TNFRSF11A: variants seen among roughly 807,000 people sequenced by gnomAD.
The protein encoded by TNFRSF11A is TNF receptor superfamily member 11a.
Under a neutral mutation model 55.7 loss-of-function variants are expected in TNFRSF11A, and 32 were observed. The ratio of observed to expected loss-of-function variants is 0.57; its 90% CI spans 0.43 to 0.77. The LOEUF is 0.77. Among genes scored for constraint, TNFRSF11A ranks in the 30% least tolerant of loss-of-function variants. The pLI is 0.00. For synonymous variants in TNFRSF11A, 311 were observed against 331.0 expected, an observed-to-expected ratio of 0.94 and a Z score of 0.65; for missense variants, 753 against 809.8, an observed-to-expected ratio of 0.93 and a Z score of 0.85.
chr18:62,369,189 AGAG>A lies in TNFRSF11A; in HGVS notation c.1274_1276del (p.Glu425del). On this transcript the variant is annotated inframe_deletion, in exon 9 of 10. Coordinates refer to ENST00000586569, the MANE Select transcript of TNFRSF11A (RefSeq NM_003839.4). Reference sequence around the variant, plus strand: ...TGTCCTCTGAAAACTACTTGCAAAAAGAGGTGGACAGTGGCCATTGCCCGCACT... The same window carrying A: ...TGTCCTCTGAAAACTACTTGCAAAAAGTGGACAGTGGCCATTGCCCGCACT... The A allele has an allele frequency of 6.2e-7, 1 of 1,613,978 alleles. No homozygotes were observed. The highest frequency in any genetic ancestry group is 8.5e-7 in the Non-Finnish European group (1 of 1,180,056).
At position 62,384,918 on chromosome 18, in the gene TNFRSF11A, G is replaced by T. The variant is rs891909235; in HGVS notation, c.1735G>T (p.Asp579Tyr). ...PVQEETLARR[D>Y]SFAGNGPRFP... ...GCAGGAGGAGACCCTGGCGCGCCGA[G>T]ACTCCTTCGCGGGGAACGGCCCGCG... Residue 579 changes from aspartate to tyrosine, a missense_variant, in exon 10 of 10, where the codon GAC (aspartate) becomes TAC (tyrosine). By Grantham distance (160) the Asp-to-Tyr change is radical. Around this residue, in one of 3 missense-constraint regions of TNFRSF11A, gnomAD observed 567 missense variants for 596.7 expected, o/e 0.95. Coordinates refer to ENST00000586569, the MANE Select transcript of TNFRSF11A (RefSeq NM_003839.4). 34 of 1,560,864 alleles carry T rather than the reference G, an allele frequency of 2.2e-5. No individual in the cohort carries two copies. Among genetic ancestry groups the T allele is most frequent in the African/African-American group, 4.1e-5 (3 of 73,916 alleles).
chr18:62,376,954 A>G (rs998612007), intron 9 of TNFRSF11A, among the ~76,000 whole-genome samples: 2 of 151,976 alleles, frequency 1.3e-5, no homozygotes, highest in Non-Finnish European at 2.9e-5. Flanking sequence ...TCATTCTGTC[A>G]CCCAGGCTGG....
At chr18:62,379,196 G>A (rs1304279470) in intron 9 of TNFRSF11A, among the ~76,000 whole-genome samples, 2 of 152,178 alleles carry the variant, frequency 1.3e-5, no homozygotes, top group Non-Finnish European at 2.9e-5. Context: ...TATGGAGAGT[G>A]TTGCTTCTGT....
intron 1 of TNFRSF11A, among the ~76,000 whole-genome samples, chr18:62,337,383 A>G (rs1170935438): frequency 6.6e-6 from 1 of 152,212 alleles, no homozygotes. Context: ...GGTAATGGCA[A>G]TGTCCAATAT....
intron 8 of TNFRSF11A, among the ~76,000 whole-genome samples, chr18:62,368,225 C>T (rs1910243994): frequency 6.6e-6 from 1 of 152,172 alleles, no homozygotes; most frequent in Admixed American, 6.5e-5. Flanking sequence ...TTTCTTTCCC[C>T]AGCTGTATGA....
chr18:62,375,958 C>T (rs569826459), intron 9 of TNFRSF11A, among the ~76,000 whole-genome samples: 6 of 152,324 alleles, frequency 3.9e-5, no homozygotes, highest in Admixed American at 6.5e-5. Flanking sequence ...CTTAAACCAC[C>T]GCACTGTCTC....
At chr18:62,382,335 T>C (rs780604349) in intron 9 of TNFRSF11A, among the ~76,000 whole-genome samples, 1 of 152,100 alleles carries the variant, frequency 6.6e-6, no homozygotes, top group Admixed American at 6.6e-5. Flanking sequence ...GGTCTTGAAC[T>C]CCTGACCCCA....
intron 3 of TNFRSF11A, 56 bp downstream of exon 3, chr18:62,349,993 T>C: frequency 1.2e-6 from 2 of 1,607,574 alleles, no homozygotes; most frequent in Non-Finnish European, 1.7e-6. Context: ...AGACCTCTTT[T>C]TCTATAGAAA....
intron 1 of TNFRSF11A, among the ~76,000 whole-genome samples, chr18:62,346,317 A>G (rs1313226627): frequency 6.6e-6 from 1 of 152,210 alleles, no homozygotes; most frequent in Non-Finnish European, 1.5e-5. Context: ...GCATGGCCGC[A>G]TGTAGTTTTA....
chr18:62,366,571 C>A, intron 7 of TNFRSF11A, 137 bp from the exon 8 acceptor site: 2 of 947,592 alleles, frequency 2.1e-6, no homozygotes, highest in Non-Finnish European at 3.4e-6. Context: ...ATTTGCTTCA[C>A]TATAGTAACC....
intron 4 of TNFRSF11A, among the ~76,000 whole-genome samples, chr18:62,357,222 A>G (rs1237328621): frequency 6.6e-6 from 1 of 152,220 alleles, no homozygotes; most frequent in Non-Finnish European, 1.5e-5. Context: ...CAGAAGTGCT[A>G]CTAATTTCAG....
intron 4 of TNFRSF11A, among the ~76,000 whole-genome samples, chr18:62,357,147 T>C (rs1909317179): frequency 6.6e-6 from 1 of 152,254 alleles, no homozygotes; most frequent in East Asian, 1.9e-4. Flanking sequence ...GTATACTTCA[T>C]ACTTGACTCT....
chr18:62,325,472 CT>C lies in TNFRSF11A; in HGVS notation c.75+46del. 1 of 1,200,442 alleles carries C rather than the reference CT, an allele frequency of 8.3e-7. No individual in the cohort carries two copies. Among genetic ancestry groups the C allele is most frequent in the African/African-American group, 1.6e-5 (1 of 61,162 alleles). 74.4% of individuals were successfully genotyped at this position (1,200,442 alleles called of 1,614,324 possible). On this transcript the variant is annotated intron_variant, in intron 1 of 9. Coordinates refer to ENST00000586569, the MANE Select transcript of TNFRSF11A (RefSeq NM_003839.4). This position sits in a 1 kb window ranked among gnomAD's most constrained non-coding sequence, Gnocchi z 4.7. ...GCCGGGCCGCGCGGCCCGACGCCTCCTCGGGAGCCCCGGGAAGGGCCGGGGC... is the reference window on the plus strand; with the variant it reads ...GCCGGGCCGCGCGGCCCGACGCCTCCCGGGAGCCCCGGGAAGGGCCGGGGC...
intron 9 of TNFRSF11A, among the ~76,000 whole-genome samples, chr18:62,377,098 G>A (rs1424021305): frequency 6.6e-6 from 1 of 152,064 alleles, no homozygotes; most frequent in Non-Finnish European, 1.5e-5. Context: ...TATTTTTTTA[G>A]TAGAGACGGG....
chr18:62,386,625 A>G lies in TNFRSF11A; in HGVS notation c.*1591A>G, dbSNP rs1911755190. The G allele has an allele frequency of 6.6e-6, 1 of 152,246 alleles. No homozygotes were observed. The highest frequency in any genetic ancestry group is 6.5e-5 in the Admixed American group (1 of 15,286). The allele number at this position is 152,246 out of a possible 1,614,324, so 9.4% of individuals were successfully genotyped here. A position where few individuals can be genotyped will look rare whatever the true frequency, so the allele number is the denominator to read the frequency against. Reference sequence around the variant, plus strand: ...ATTAATTTTGCACATCTGGGAGGTTATAAAAGAAAGCACTAATAGTAGTCA... The same window carrying G: ...ATTAATTTTGCACATCTGGGAGGTTGTAAAAGAAAGCACTAATAGTAGTCA... On this transcript the variant is annotated 3_prime_UTR_variant, in exon 10 of 10. Transcript: ENST00000586569.
At chr18:62,347,168 G>T (rs1004239006) in intron 1 of TNFRSF11A, among the ~76,000 whole-genome samples, 2 of 152,182 alleles carry the variant, frequency 1.3e-5, no homozygotes, top group African/African-American at 4.8e-5. Flanking sequence ...ACCCTTGAGG[G>T]GAAGGTTTGT....
Position 62,325,924 on chromosome 18 carries a change from C to T in TNFRSF11A, c.75+497C>T, listed in dbSNP as rs1014740794. Among the ~76,000 whole-genome samples, 5 of 152,196 alleles carry T rather than the reference C, an allele frequency of 3.3e-5. No individual in the cohort carries two copies. Among genetic ancestry groups the T allele is most frequent in the African/African-American group, 9.6e-5 (4 of 41,470 alleles). Reference sequence around the variant, plus strand: ...GGCTTGCCTTTGCCTCCCCTGAGCCCCTTCGGGGACACCCCTGCCAGCTCG... The same window carrying T: ...GGCTTGCCTTTGCCTCCCCTGAGCCTCTTCGGGGACACCCCTGCCAGCTCG... On this transcript the variant is annotated intron_variant, in intron 1 of 9. Coordinates refer to ENST00000586569, the MANE Select transcript of TNFRSF11A (RefSeq NM_003839.4). The surrounding 1 kb of genome is among the most constrained non-coding windows in gnomAD (Gnocchi z 4.7).
intron 4 of TNFRSF11A, among the ~76,000 whole-genome samples, chr18:62,356,417 T>G (rs1909258589): frequency 6.6e-6 from 1 of 152,232 alleles, no homozygotes. Context: ...GAATTCTGAT[T>G]CTAAAATAGA....
chr18:62,338,824 A>C (rs2046271224), intron 1 of TNFRSF11A, among the ~76,000 whole-genome samples: 1 of 152,194 alleles, frequency 6.6e-6, no homozygotes, highest in Non-Finnish European at 1.5e-5. Context: ...TTCCACAATA[A>C]AAAATATTAA....
Sources: allele counts gnomAD v4.1 joint callset (sites outside exome capture counted in the v4.1 genomes callset), GRCh38; gene constraint gnomAD v4.1.1; regional missense constraint gnomAD v4.1.1; non-coding constraint Gnocchi (gnomAD v3.1); transcripts MANE v1.5; gene names NCBI Gene and HGNC (gene_info 2026-07-23, HGNC 2026-07-21).